The following SPOCK1 variants were observed in gnomAD, a reference collection of about 807,000 sequenced individuals.
SPOCK1 encodes SPARC (osteonectin), cwcv and kazal like domains proteoglycan 1.
Under a neutral mutation model 55.3 loss-of-function variants are expected in SPOCK1, and 23 were observed. The observed-to-expected ratio is 0.42, with a 90% confidence interval of 0.30 to 0.59. The LOEUF is 0.59. Ranked by LOEUF, SPOCK1 falls within the 20% of genes least tolerant of loss-of-function variation. SPOCK1 has a pLI of 0.22. For missense variants in SPOCK1, 499 were observed against 552.5 expected, an observed-to-expected ratio of 0.90 and a Z score of 0.97; for synonymous variants, 226 against 221.0, an observed-to-expected ratio of 1.02 and a Z score of -0.20.
Position 136,977,633 on chromosome 5 carries a change from T to C in SPOCK1, c.*1021A>G. 1 of 300,318 alleles carries C rather than the reference T, an allele frequency of 3.3e-6. No individual in the cohort carries two copies. Among genetic ancestry groups the C allele is most frequent in the Non-Finnish European group, 5.8e-6 (1 of 173,120 alleles). 18.6% of individuals were successfully genotyped at this position (300,318 alleles called of 1,614,324 possible). On this transcript the variant is annotated 3_prime_UTR_variant, in exon 11 of 11. Transcript: ENST00000394945. ...AGAAACCTATGGCAGACAGGATTGCTGCAGCCAAGGGGCTTCAAGCAGAAA... is the reference window on the plus strand; with the variant it reads ...AGAAACCTATGGCAGACAGGATTGCCGCAGCCAAGGGGCTTCAAGCAGAAA...
At position 136,976,655 on chromosome 5, in the gene SPOCK1, G is replaced by A. The variant is rs1750620133; in HGVS notation, c.*1999C>T. 6.6e-6 allele frequency: 1 copy of A among 152,522 alleles called. No homozygotes were observed. Among genetic ancestry groups the A allele is most frequent in the South Asian group, 2.1e-4 (1 of 4,824 alleles). The allele number at this position is 152,522 out of a possible 1,614,324, so 9.4% of individuals were successfully genotyped here. A position where few individuals can be genotyped will look rare whatever the true frequency, so the allele number is the denominator to read the frequency against. ...AGCACCTGTTTTCTAAATTATCTCA[G>A]TTTTGTTCAAGAGAGAAAAAAAATA... On this transcript the variant is annotated 3_prime_UTR_variant, in exon 11 of 11. Coordinates refer to ENST00000394945, the MANE Select transcript of SPOCK1 (RefSeq NM_004598.4).
At chr5:137,192,735 A>G (rs1007508127) in intron 3 of SPOCK1, among the ~76,000 whole-genome samples, 7 of 152,274 alleles carry the variant, frequency 4.6e-5, no homozygotes, top group Admixed American at 3.9e-4. Context: ...CCCAGCAGCT[A>G]AAGTGAATGA....
rs145948354 is a variant in SPOCK1 at position 137,256,563 on chromosome 5, C to G, written c.232+10447G>C. On this transcript the variant is annotated intron_variant, in intron 3 of 10. Coordinates refer to ENST00000394945, the MANE Select transcript of SPOCK1 (RefSeq NM_004598.4). ...CATGGCTCCATTCGTGAGGGTGAAGCCCTCATGACCTAAACAGCTCCCCTA... is the reference window on the plus strand; with the variant it reads ...CATGGCTCCATTCGTGAGGGTGAAGGCCTCATGACCTAAACAGCTCCCCTA... Among the ~76,000 whole-genome samples, 22 of 152,210 alleles carry G rather than the reference C, an allele frequency of 1.4e-4. 1 individual carries two copies. The East Asian group carries it at 2.7e-3, about 19-fold the overall frequency.
At chr5:137,442,503 G>T (rs1372828130) in intron 2 of SPOCK1, among the ~76,000 whole-genome samples, 1 of 152,222 alleles carries the variant, frequency 6.6e-6, no homozygotes, top group African/African-American at 2.4e-5. Context: ...GTTGTGCCAA[G>T]AATTAAATAA....
chr5:137,134,688 G>A lies in SPOCK1; in HGVS notation c.347+5892C>T, dbSNP rs183840296. Reference sequence around the variant, plus strand: ...AATTACCCACCTCCTGCATGGCCACGTGTCTTCCAAACCTCGACAGCTATG... The same window carrying A: ...AATTACCCACCTCCTGCATGGCCACATGTCTTCCAAACCTCGACAGCTATG... On this transcript the variant is annotated intron_variant, in intron 4 of 10. Coordinates refer to ENST00000394945, the MANE Select transcript of SPOCK1 (RefSeq NM_004598.4). Among the ~76,000 whole-genome samples, 26 of 152,308 alleles carry A rather than the reference G, an allele frequency of 1.7e-4. No homozygotes were observed. The East Asian group carries it at 3.5e-3, about 20-fold the overall frequency.
Position 137,027,707 on chromosome 5 carries a change from C to T in SPOCK1, c.590-35107G>A, listed in dbSNP as rs537601412. ...GGTCTCTCCAGGCATGGGGAGGCTT[C>T]TTCCATCAACCCCCTTGCAGAGCTT... On this transcript the variant is annotated intron_variant, in intron 6 of 10. Coordinates refer to ENST00000394945, the MANE Select transcript of SPOCK1 (RefSeq NM_004598.4). Among the ~76,000 whole-genome samples, 13 of 152,250 alleles carry T rather than the reference C, an allele frequency of 8.5e-5. No individual in the cohort carries two copies. In the East Asian group the frequency reaches 2.3e-3, roughly 27 times the overall value.
chr5:137,101,272 GT>G (rs1753260811), intron 5 of SPOCK1, among the ~76,000 whole-genome samples: 1 of 152,204 alleles, frequency 6.6e-6, no homozygotes, highest in African/African-American at 2.4e-5. Flanking sequence ...GGACCTTTCT[GT>G]CTTTTAAAGG....
chr5:137,273,412 A>T, intron 2 of SPOCK1: 2 of 979,638 alleles, frequency 2.0e-6, no homozygotes, highest in Non-Finnish European at 2.4e-6. Flanking sequence ...ATAAATGAGA[A>T]AAAAATAAAA....
chr5:137,426,049 A>T (rs1327646460), intron 2 of SPOCK1, among the ~76,000 whole-genome samples: 1 of 152,018 alleles, frequency 6.6e-6, no homozygotes, highest in Non-Finnish European at 1.5e-5. Context: ...ACTACACCCA[A>T]CAGCTGGGCT....
chr5:137,305,572 G>A (rs912971147), intron 2 of SPOCK1, among the ~76,000 whole-genome samples: 2 of 152,172 alleles, frequency 1.3e-5, no homozygotes, highest in Non-Finnish European at 2.9e-5. Context: ...CAACAACACC[G>A]ACAGGTTTCG....
intron 2 of SPOCK1, among the ~76,000 whole-genome samples, chr5:137,429,327 T>C (rs186727011): frequency 6.6e-6 from 1 of 152,358 alleles, no homozygotes; most frequent in African/African-American, 2.4e-5. Flanking sequence ...CAGAACTTTC[T>C]CTGTGAAATG....
At chr5:137,082,654 G>T (rs1324579212) in intron 5 of SPOCK1, among the ~76,000 whole-genome samples, 1 of 152,208 alleles carries the variant, frequency 6.6e-6, no homozygotes, top group Non-Finnish European at 1.5e-5. Context: ...GGGTCAATCA[G>T]CCTTAGATTT....
At chr5:136,981,778 A>G (rs1392050537) in intron 9 of SPOCK1, among the ~76,000 whole-genome samples, 1 of 152,170 alleles carries the variant, frequency 6.6e-6, no homozygotes, top group Non-Finnish European at 1.5e-5. Context: ...ATGCTAACAA[A>G]TCTTAGTCTA....
intron 2 of SPOCK1, among the ~76,000 whole-genome samples, chr5:137,433,428 T>C (rs1256807803): frequency 1.3e-5 from 2 of 152,184 alleles, no homozygotes; most frequent in African/African-American, 4.8e-5. Context: ...CACCTAGGAC[T>C]CTCTTAGCAC....
At chr5:137,344,179 C>A (rs536714038) in intron 2 of SPOCK1, among the ~76,000 whole-genome samples, 26 of 152,354 alleles carry the variant, frequency 1.7e-4, no homozygotes, top group Non-Finnish European at 3.7e-4. Flanking sequence ...AAGAGGCTCC[C>A]ATGCACCAGG....
At chr5:137,087,758 T>C (rs897674580) in intron 5 of SPOCK1, among the ~76,000 whole-genome samples, 7 of 152,210 alleles carry the variant, frequency 4.6e-5, no homozygotes, top group Admixed American at 4.6e-4. Flanking sequence ...TCAGAGGTTT[T>C]AGGAAAGGTT....
At chr5:137,169,009 T>C (rs1279719309) in intron 3 of SPOCK1, among the ~76,000 whole-genome samples, 2 of 152,272 alleles carry the variant, frequency 1.3e-5, no homozygotes, top group East Asian at 3.9e-4. Context: ...TGGAGTACTA[T>C]TCAGCCATAA....
chr5:137,323,784 A>C (rs573754474), intron 2 of SPOCK1, among the ~76,000 whole-genome samples: 2 of 152,336 alleles, frequency 1.3e-5, no homozygotes, highest in Admixed American at 1.3e-4. Flanking sequence ...ATACGATATT[A>C]CCTCAACCTG....
intron 3 of SPOCK1, among the ~76,000 whole-genome samples, chr5:137,185,986 G>A (rs910804140): frequency 2.6e-5 from 4 of 152,214 alleles, no homozygotes; most frequent in East Asian, 3.8e-4. Context: ...GCAGCGTATC[G>A]AAACAAATTC....
Sources: allele counts gnomAD v4.1 joint callset (sites outside exome capture counted in the v4.1 genomes callset), GRCh38; gene constraint gnomAD v4.1.1; transcripts MANE v1.5; gene names NCBI Gene and HGNC (gene_info 2026-07-23, HGNC 2026-07-21).